Variants in MBD5 observed in about 807,000 individuals in gnomAD.
MBD5 encodes methyl-CpG binding domain protein 5, also known as methyl-CpG-binding domain protein 5.
MBD5 carries 13 observed loss-of-function variants against 117.3 expected under a neutral mutation model. That is an observed-to-expected ratio of 0.11 (90% CI 0.07 to 0.18). MBD5 has a LOEUF of 0.18. Among genes scored for constraint, MBD5 ranks in the 10% least tolerant of loss-of-function variants. MBD5 has a pLI of 1.00. For missense variants in MBD5, 1,879 were observed against 2,093.8 expected (o/e 0.90, Z 2.00); for synonymous variants, 727 against 766.4 (o/e 0.95, Z 0.85).
intron 1 of MBD5, among the ~76,000 whole-genome samples, chr2:148,092,358 C>T (rs1365233471): frequency 6.6e-6 from 1 of 152,156 alleles, no homozygotes; most frequent in Admixed American, 6.5e-5. Flanking sequence ...AAGACACTTG[C>T]ACATGCATGT....
At chr2:148,140,767 T>G (rs1436448577) in intron 1 of MBD5, among the ~76,000 whole-genome samples, 1 of 151,894 alleles carries the variant, frequency 6.6e-6, no homozygotes, top group Non-Finnish European at 1.5e-5. Context: ...TGCTGTTCTT[T>G]TTTTTTTTTC....
At chr2:148,188,816 G>A (rs200797828) in intron 2 of MBD5, among the ~76,000 whole-genome samples, 569 of 152,188 alleles carry the variant, frequency 3.7e-3, no homozygotes, top group East Asian at 8.3e-3. Context: ...CGCAGAAGAC[G>A]GGTGATTTCT....
intron 3 of MBD5, among the ~76,000 whole-genome samples, chr2:148,282,591 A>G (rs1030705121): frequency 5.9e-5 from 9 of 151,944 alleles, no homozygotes; most frequent in African/African-American, 1.7e-4. Context: ...TATAATTAGC[A>G]TAGCATTATG....
intron 4 of MBD5, among the ~76,000 whole-genome samples, 196 bp downstream of exon 4, chr2:148,342,532 T>TA (rs1024886550): frequency 2.6e-5 from 4 of 151,862 alleles, no homozygotes; most frequent in South Asian, 4.1e-4. Context: ...TACTATTTTT[T>TA]AAAAAAAAGA....
chr2:148,329,671 A>T (rs949644896), intron 3 of MBD5, among the ~76,000 whole-genome samples: 1 of 152,196 alleles, frequency 6.6e-6, no homozygotes, highest in Non-Finnish European at 1.5e-5. Context: ...TGTTTGATGT[A>T]TAAGAAAGGC....
At chr2:148,320,115 G>A (rs1281215880) in intron 3 of MBD5, among the ~76,000 whole-genome samples, 4 of 152,102 alleles carry the variant, frequency 2.6e-5, no homozygotes, top group Admixed American at 6.6e-5. Context: ...GGTATGTTAT[G>A]TTTTTGATGT....
At chr2:148,408,252 G>T (rs1364365988) in intron 4 of MBD5, among the ~76,000 whole-genome samples, 1 of 152,098 alleles carries the variant, frequency 6.6e-6, no homozygotes, top group Non-Finnish European at 1.5e-5. Flanking sequence ...ACATTAGATT[G>T]ATTTGCCCAG....
intron 3 of MBD5, among the ~76,000 whole-genome samples, chr2:148,288,324 C>A (rs1332668111): frequency 2.9e-5 from 3 of 103,366 alleles, no homozygotes; most frequent in African/African-American, 1.0e-4. Context: ...GGCGTGAACC[C>A]GGGAGGCGGA....
chr2:148,461,651 T>G (rs1459344596), intron 5 of MBD5, among the ~76,000 whole-genome samples: 1 of 152,180 alleles, frequency 6.6e-6, no homozygotes, highest in East Asian at 1.9e-4. Flanking sequence ...AGTATATAAT[T>G]TCAAAGCATA....
chr2:148,135,624 C>T (rs1295191817), intron 1 of MBD5, among the ~76,000 whole-genome samples: 2 of 152,076 alleles, frequency 1.3e-5, no homozygotes, highest in African/African-American at 2.4e-5. Context: ...CCCTTGAATA[C>T]ATTATTATTT....
At chr2:148,314,850 G>A (rs993711528) in intron 3 of MBD5, among the ~76,000 whole-genome samples, 5 of 151,968 alleles carry the variant, frequency 3.3e-5, no homozygotes, top group Admixed American at 6.6e-5. Context: ...CTGTTTTTAG[G>A]CATATATATA....
intron 1 of MBD5, among the ~76,000 whole-genome samples, chr2:148,113,264 T>C (rs113931321): frequency 0.015 from 2,231 of 152,360 alleles, 19 homozygotes; most frequent in Non-Finnish European, 0.022. Flanking sequence ...TTCTATGATC[T>C]AGTGATCAAT....
At chr2:148,395,427 T>G (rs1032962193) in intron 4 of MBD5, among the ~76,000 whole-genome samples, 1 of 36,564 alleles carries the variant, frequency 2.7e-5, no homozygotes, top group Non-Finnish European at 8.8e-5. Flanking sequence ...CCAACTCATC[T>G]TTTTTTTTTT....
intron 4 of MBD5, among the ~76,000 whole-genome samples, chr2:148,342,647 A>C (rs183378688): frequency 6.6e-6 from 1 of 152,080 alleles, no homozygotes; most frequent in Non-Finnish European, 1.5e-5. Context: ...ATTATGTATA[A>C]TATGTGGATT....
At position 148,328,247 on chromosome 2, in the gene MBD5, T is replaced by G. The variant is rs992037038; in HGVS notation, c.-679-13967T>G. On this transcript the variant is annotated intron_variant, in intron 3 of 13. Transcript: ENST00000642680. ...GGAGGACCACTGCTCTCTTCAAAGC[T>G]GTCAGACAGGGACATTTAAGTCTGC... Among the ~76,000 whole-genome samples the G allele has an allele frequency of 5.3e-4, 81 of 152,188 alleles. 3 individuals are homozygous for G. Among genetic ancestry groups the G allele is most frequent in the Non-Finnish European group, 1.5e-5 (1 of 68,022 alleles).
intron 2 of MBD5, among the ~76,000 whole-genome samples, chr2:148,219,673 G>A (rs1699636080): frequency 6.6e-6 from 1 of 152,120 alleles, no homozygotes; most frequent in African/African-American, 2.4e-5. Context: ...TTGTGTAACT[G>A]TAACATAAAA....
intron 2 of MBD5, among the ~76,000 whole-genome samples, chr2:148,188,639 C>T (rs182869212): frequency 2.2e-4 from 32 of 145,938 alleles, no homozygotes; most frequent in Admixed American, 5.6e-4. Context: ...GCCATGATTG[C>T]GCCACTGCAC....
chr2:148,181,667 T>C (rs1370321720), intron 2 of MBD5, among the ~76,000 whole-genome samples: 4 of 152,146 alleles, frequency 2.6e-5, no homozygotes, highest in African/African-American at 9.6e-5. Context: ...TCATATTCTT[T>C]ATATATTTTT....
At chr2:148,403,826 A>G (rs1704997570) in intron 4 of MBD5, among the ~76,000 whole-genome samples, 1 of 152,162 alleles carries the variant, frequency 6.6e-6, no homozygotes, top group Admixed American at 6.5e-5. Flanking sequence ...CAGGCAAGGT[A>G]CAGATTTGTG....
Sources: allele counts gnomAD v4.1 joint callset (sites outside exome capture counted in the v4.1 genomes callset), GRCh38; gene constraint gnomAD v4.1.1; transcripts MANE v1.5; gene names NCBI Gene and HGNC (gene_info 2026-07-23, HGNC 2026-07-21).